ZNF407: variants seen among roughly 807,000 people sequenced by gnomAD.
ZNF407 encodes zinc finger protein 407.
A neutral mutation model predicts 131.2 loss-of-function variants in ZNF407; 17 were observed. The observed-to-expected ratio is 0.13, with a 90% CI of 0.09 to 0.19. The LOEUF is 0.19. Ranked by LOEUF, ZNF407 falls within the 10% of genes least tolerant of loss-of-function variation. ZNF407 has a pLI of 1.00. For missense variants in ZNF407, 2,681 were observed against 2,830.6 expected (o/e 0.95, Z 1.20); for synonymous variants, 1,156 against 1,062.0 (o/e 1.09, Z -1.72).
In ZNF407 at chr18:74,789,331, G is replaced by A. The variant is rs148151917; in HGVS notation, c.4877+7829G>A. On this transcript the variant is annotated intron_variant, in intron 4 of 8. Transcript: ENST00000299687. ...GGGAGAGCTTGGTGTGTTTTGTTCC[G>A]GTGTGCCTTGAGCTCAGTGGCCTTG... Among the ~76,000 whole-genome samples the A allele has an allele frequency of 3.0e-4, 45 of 152,214 alleles. 1 individual carries two copies. In the East Asian group the frequency reaches 8.5e-3, roughly 29 times the overall value.
intron 8 of ZNF407, among the ~76,000 whole-genome samples, chr18:74,986,856 A>G (rs1036899087): frequency 5.9e-5 from 9 of 152,094 alleles, no homozygotes; most frequent in African/African-American, 2.2e-4. Flanking sequence ...TTTTTCTCTT[A>G]GTTATATTAT....
intron 8 of ZNF407, among the ~76,000 whole-genome samples, chr18:74,977,679 C>T (rs951282252): frequency 1.4e-4 from 22 of 152,204 alleles, no homozygotes; most frequent in Admixed American, 1.1e-3. Flanking sequence ...GCCTGTTGAT[C>T]GGCCACCGAA....
chr18:74,679,949 A>G (rs1275660167), intron 3 of ZNF407, among the ~76,000 whole-genome samples: 1 of 152,226 alleles, frequency 6.6e-6, no homozygotes, highest in Non-Finnish European at 1.5e-5. Context: ...GTGGCTTTCT[A>G]GATGGACCCG....
At position 74,691,201 on chromosome 18, in the gene ZNF407, A is replaced by T. The variant is rs545918667; in HGVS notation, c.4802+50079A>T. Among the ~76,000 whole-genome samples the T allele has an allele frequency of 1.4e-3, 207 of 151,910 alleles. 1 individual carries two copies. Among genetic ancestry groups the T allele is most frequent in the African/African-American group, 4.6e-3 (191 of 41,454 alleles). ...GGCTGAGGCAGGAGAATTGCTTGAA[A>T]CCAGGAGGTGGAGGTTTCAGTCAGC... On this transcript the variant is annotated intron_variant, in intron 3 of 8. Coordinates refer to ENST00000299687, the MANE Select transcript of ZNF407 (RefSeq NM_017757.3).
In ZNF407 at chr18:74,872,593, A is replaced by G. The variant is rs576699032; in HGVS notation, c.4878-4604A>G. Among the ~76,000 whole-genome samples the G allele has an allele frequency of 3.3e-5, 5 of 151,882 alleles. No individual in the cohort carries two copies. The South Asian group carries it at 8.3e-4, about 25-fold the overall frequency. On this transcript the variant is annotated intron_variant, in intron 4 of 8. Transcript: ENST00000299687. ...TGTGGCCAACATGGTGAAACCCTCT[A>G]CTAAATACAAAAAATTAGCCAGGCG...
rs1973656268 is a variant in ZNF407 at position 75,063,018 on chromosome 18, G to A, written c.5429-132G>A. ...GCCCTGCTGAAGCTTGCACTGTAGA[G>A]AGCTCTTCAGGGTTTGGAATAGGGG... On this transcript the variant is annotated intron_variant, in intron 8 of 8. Transcript: ENST00000299687. This position sits in a 1 kb window ranked among gnomAD's most constrained non-coding sequence, Gnocchi z 6.6. 1 of 820,378 alleles carries A rather than the reference G, an allele frequency of 1.2e-6. No homozygotes were observed. Among genetic ancestry groups the A allele is most frequent in the African/African-American group, 1.7e-5 (1 of 58,100 alleles). The allele number at this position is 820,378 out of a possible 1,614,324, so 50.8% of individuals were successfully genotyped here. A position where few individuals can be genotyped will look rare whatever the true frequency, so the allele number is the denominator to read the frequency against.
chr18:74,823,374 A>G (rs1970367638), intron 4 of ZNF407, among the ~76,000 whole-genome samples: 1 of 152,226 alleles, frequency 6.6e-6, no homozygotes, highest in Non-Finnish European at 1.5e-5. Flanking sequence ...TTAACCTTAA[A>G]TGTAAAAGGG....
At chr18:74,991,549 A>G in intron 8 of ZNF407, among the ~76,000 whole-genome samples, 1 of 152,310 alleles carries the variant, frequency 6.6e-6, no homozygotes, top group East Asian at 1.9e-4. Flanking sequence ...TAGCATATAC[A>G]TATATATTCT....
At chr18:74,836,596 C>T (rs982313445) in intron 4 of ZNF407, among the ~76,000 whole-genome samples, 1 of 152,166 alleles carries the variant, frequency 6.6e-6, no homozygotes, top group Admixed American at 6.5e-5. Flanking sequence ...GAAGGAGGGT[C>T]GATGCCTCCG....
chr18:74,654,697 GAGGC>G, intron 3 of ZNF407, among the ~76,000 whole-genome samples: 1 of 151,804 alleles, frequency 6.6e-6, no homozygotes, highest in Non-Finnish European at 1.5e-5. Flanking sequence ...TTGAGATCAT[GAGGC>G]TGATATAACA....
chr18:74,860,048 G>A (rs1970915618), intron 4 of ZNF407, among the ~76,000 whole-genome samples: 1 of 152,166 alleles, frequency 6.6e-6, no homozygotes, highest in Non-Finnish European at 1.5e-5. Context: ...GCTAACGCCT[G>A]TAATCTCAAC....
At chr18:75,008,022 T>C (rs1972931761) in intron 8 of ZNF407, among the ~76,000 whole-genome samples, 1 of 152,162 alleles carries the variant, frequency 6.6e-6, no homozygotes, top group South Asian at 2.1e-4. Context: ...GGAATAAGTT[T>C]AGTGTGGCTA....
chr18:74,907,031 A>G (rs532726874), intron 7 of ZNF407, among the ~76,000 whole-genome samples: 1 of 152,362 alleles, frequency 6.6e-6, no homozygotes, highest in East Asian at 1.9e-4. Context: ...GTATATGCAC[A>G]CACATACCGT....
chr18:74,767,139 T>A (rs1182858314), intron 3 of ZNF407, among the ~76,000 whole-genome samples: 1 of 152,190 alleles, frequency 6.6e-6, no homozygotes, highest in Non-Finnish European at 1.5e-5. Flanking sequence ...CTCGATCTCC[T>A]GACCTCAGGT....
intron 8 of ZNF407, among the ~76,000 whole-genome samples, chr18:74,981,397 ACT>A (rs1972591789): frequency 6.6e-6 from 1 of 152,016 alleles, no homozygotes; most frequent in African/African-American, 2.4e-5. Flanking sequence ...ACTCAATATC[ACT>A]CTGCTCGAGA....
At chr18:74,738,150 G>A (rs766535841) in intron 3 of ZNF407, among the ~76,000 whole-genome samples, 2 of 152,022 alleles carry the variant, frequency 1.3e-5, no homozygotes, top group Non-Finnish European at 2.9e-5. Context: ...GGCCAGGTGC[G>A]GTGGCTCACA....
intron 3 of ZNF407, among the ~76,000 whole-genome samples, chr18:74,779,865 G>A (rs577301515): frequency 6.6e-6 from 1 of 152,014 alleles, no homozygotes; most frequent in South Asian, 2.1e-4. Context: ...TTTAACCTTT[G>A]CTCTTTGCTA....
chr18:74,735,454 T>A (rs1363247815), intron 3 of ZNF407, among the ~76,000 whole-genome samples: 1 of 152,182 alleles, frequency 6.6e-6, no homozygotes, highest in Non-Finnish European at 1.5e-5. Flanking sequence ...ATTCCCCATC[T>A]CTGAGACAGT....
chr18:75,042,321 G>A (rs900523617), intron 8 of ZNF407, among the ~76,000 whole-genome samples: 2 of 151,994 alleles, frequency 1.3e-5, no homozygotes, highest in African/African-American at 2.4e-5. Flanking sequence ...GTTTATATTA[G>A]ATATAATTTT....
Sources: gnomAD v4.1 joint callset for allele counts (sites outside exome capture counted in the v4.1 genomes callset) on GRCh38, gnomAD v4.1.1 for gene constraint, Gnocchi (gnomAD v3.1) non-coding constraint, MANE v1.5 for transcripts, NCBI Gene and HGNC (gene_info 2026-07-23, HGNC 2026-07-21) for gene names.